The following KDM5B variants were observed in gnomAD, a reference collection of about 807,000 sequenced individuals.
The protein encoded by KDM5B is lysine-specific demethylase 5B.
A neutral mutation model predicts 193.4 loss-of-function variants in KDM5B; 144 were observed. The observed-to-expected ratio is 0.74, with a 90% CI of 0.65 to 0.86. The LOEUF (loss-of-function observed/expected upper bound fraction) is 0.86. KDM5B is among the 40% of genes least tolerant of loss of function. KDM5B has a pLI of 0.00. For missense variants in KDM5B, 1,833 were observed against 1,886.9 expected (o/e 0.97, Z 0.53); for synonymous variants, 668 against 682.6 (o/e 0.98, Z 0.33).
intron 2 of KDM5B, among the ~76,000 whole-genome samples, chr1:202,775,268 T>C (rs1656892542): frequency 6.6e-6 from 1 of 151,644 alleles, no homozygotes; most frequent in Non-Finnish European, 1.5e-5. Context: ...CTGGGTGCAG[T>C]GGCTCATGGC....
chr1:202,730,160 T>A, intron 25 of KDM5B, 133 bp from the exon 26 acceptor site: 1 of 768,056 alleles, frequency 1.3e-6, no homozygotes, highest in Non-Finnish European at 2.0e-6. Flanking sequence ...TACTGCATCT[T>A]AACCACTCCC....
Position 202,762,778 on chromosome 1 carries a change from T to A in KDM5B, c.839A>T (p.Glu280Val). Reference protein sequence around the residue: ...EKEMKSSIKQEPIERKDYIVE... With the variant: ...EKEMKSSIKQVPIERKDYIVE... ...AATATAATCTTTCCTCTCAATAGGT[T>A]CTTGCTTGATGCTACTCTTCATTTC... is the stretch of plus-strand genomic sequence containing the variant. The change falls in exon 7 of 27, where the codon GAA (glutamate) becomes GTA (valine). Residue 280 changes from glutamate to valine, a missense_variant. Around this residue, in one of 3 missense-constraint regions of KDM5B, gnomAD observed 355 missense variants for 374.9 expected, o/e 0.95. Transcript: ENST00000367265. 6.2e-7 allele frequency: 1 copy of A among 1,608,882 alleles called. No homozygotes were observed. Among genetic ancestry groups the A allele is most frequent in the South Asian group, 1.1e-5 (1 of 90,960 alleles).
chr1:202,739,441 CTTT>C (rs58981694), intron 20 of KDM5B, among the ~76,000 whole-genome samples: 3 of 144,150 alleles, frequency 2.1e-5, no homozygotes, highest in African/African-American at 5.1e-5. Flanking sequence ...CAATATTGCT[CTTT>C]TTTTTTTTTG....
rs963138456 is a variant in KDM5B, at chr1:202,731,865, G to A, written c.3984C>T (p.Ser1328=). 1 of 1,613,540 alleles carries A rather than the reference G, an allele frequency of 6.2e-7. No individual in the cohort carries two copies. Among genetic ancestry groups the A allele is most frequent in the Non-Finnish European group, 8.5e-7 (1 of 1,179,676 alleles). ...TACAACTTCGTCCAGTTGAGAAGGGGGAGTGCAAATATGAGGTTCTGTTGT... is the reference window on the plus strand; with the variant it reads ...TACAACTTCGTCCAGTTGAGAAGGGAGAGTGCAAATATGAGGTTCTGTTGT... ...DWDNRTSYLH[S]PFSTGRSCIP... The change falls in exon 24 of 27, where the codon TCC becomes TCT. Residue 1328 remains serine, a synonymous_variant. Coordinates refer to ENST00000367265, the MANE Select transcript of KDM5B (RefSeq NM_006618.5).
chr1:202,803,876 T>C (rs965052114), intron 1 of KDM5B, among the ~76,000 whole-genome samples: 1 of 145,408 alleles, frequency 6.9e-6, no homozygotes, highest in African/African-American at 2.6e-5. Context: ...TAATCCAACC[T>C]CCTACCAGGT....
chr1:202,796,503 G>A (rs1657853396), intron 1 of KDM5B: 1 of 189,482 alleles, frequency 5.3e-6, no homozygotes, highest in Non-Finnish European at 1.1e-5. Context: ...CATAACCTTG[G>A]TAGCTGGTGT....
At chr1:202,794,881 A>G (rs996265374) in intron 1 of KDM5B, among the ~76,000 whole-genome samples, 1 of 152,220 alleles carries the variant, frequency 6.6e-6, no homozygotes, top group African/African-American at 2.4e-5. Context: ...AGGCACAGTT[A>G]GAGATTAACA....
Position 202,735,480 on chromosome 1 carries a change from A to C in KDM5B, c.3372T>G (p.Ser1124Arg). The C allele has an allele frequency of 6.2e-7, 1 of 1,613,866 alleles. No homozygotes were observed. The highest frequency in any genetic ancestry group is 8.5e-7 in the Non-Finnish European group (1 of 1,179,936). ...TTAAAGCTCTCTCCAGGTCACTCAG[A>C]CTCTCTAATTTGGTGCTTTTTTTCT... ...NGKKKSTKLE[S>R]LSDLERALTE... Residue 1124 changes from serine to arginine, a missense_variant, in exon 22 of 27, where the codon AGT (serine) becomes AGG (arginine). Transcript: ENST00000367265.
intron 4 of KDM5B, chr1:202,767,474 C>T: frequency 5.0e-6 from 5 of 1,000,976 alleles, no homozygotes; most frequent in East Asian, 2.4e-5. Context: ...GATGAAATGG[C>T]GGCACCTCAC....
At chr1:202,781,082 G>A (rs1251432217) in intron 1 of KDM5B, among the ~76,000 whole-genome samples, 2 of 152,160 alleles carry the variant, frequency 1.3e-5, no homozygotes, top group Admixed American at 6.5e-5. Flanking sequence ...TTGGGCTGCA[G>A]CAGCAGGAGG....
intron 1 of KDM5B, among the ~76,000 whole-genome samples, chr1:202,781,529 G>C (rs1657198062): frequency 6.6e-6 from 1 of 152,136 alleles, no homozygotes. Flanking sequence ...TCCATCCCAA[G>C]TGAAAAAGAT....
intron 19 of KDM5B, 35 bp downstream of exon 19, chr1:202,741,332 A>G (rs1655328747): frequency 6.9e-7 from 1 of 1,459,574 alleles, no homozygotes; most frequent in Admixed American, 2.3e-5. Context: ...ATAACTGTCC[A>G]ACCTTCCCAA....
intron 16 of KDM5B, among the ~76,000 whole-genome samples, chr1:202,743,363 A>G (rs10920469): frequency 7.9e-6 from 1 of 126,500 alleles, no homozygotes; most frequent in Non-Finnish European, 1.8e-5. Flanking sequence ...AAAAAAAAAA[A>G]ACACCTGGCA....
In KDM5B at chr1:202,729,774, T is replaced by C; in HGVS notation, c.4430A>G (p.Gln1477Arg). The C allele has an allele frequency of 6.2e-7, 1 of 1,614,080 alleles. No homozygotes were observed. The highest frequency in any genetic ancestry group is 1.3e-5 in the African/African-American group (1 of 75,070). Reference sequence around the variant, plus strand: ...GGCATCTTCATCCTCAGAGTCTTCCTGTTCGGAATAGGATGTGTCTGAGGG... The same window carrying C: ...GGCATCTTCATCCTCAGAGTCTTCCCGTTCGGAATAGGATGTGTCTGAGGG... ...SLPSDTSYSE[Q>R]EDSEDEDAIC... The change falls in exon 26 of 27, where the codon CAG (glutamine) becomes CGG (arginine). Residue 1477 changes from glutamine to arginine, a missense_variant. Physicochemically the swap from Gln to Arg is conservative, Grantham distance 43. Transcript: ENST00000367265.
intron 13 of KDM5B, among the ~76,000 whole-genome samples, chr1:202,749,525 C>A (rs1361516664): frequency 6.6e-6 from 1 of 152,208 alleles, no homozygotes; most frequent in Middle Eastern, 3.4e-3. Flanking sequence ...CCACTGCACT[C>A]CAGCCTGGGT....
chr1:202,790,030 G>A (rs545888216), intron 1 of KDM5B, among the ~76,000 whole-genome samples: 48 of 151,594 alleles, frequency 3.2e-4, no homozygotes, highest in African/African-American at 1.0e-3. Context: ...CGAGACCAGC[G>A]AGGCGGGCGG....
At position 202,794,928 on chromosome 1, in the gene KDM5B, T is replaced by C. The variant is rs201088807; in HGVS notation, c.204+13174A>G. ...ACAATACACTGTAATAAAAGTTACA[T>C]GGGGCCGGGTGTGGTGGCTCACACC... On this transcript the variant is annotated intron_variant, in intron 1 of 26. Coordinates refer to ENST00000367265, the MANE Select transcript of KDM5B (RefSeq NM_006618.5). Among the ~76,000 whole-genome samples the C allele has an allele frequency of 2.1e-4, 32 of 152,296 alleles. No individual in the cohort carries two copies. The East Asian group carries it at 5.6e-3, about 27-fold the overall frequency.
intron 16 of KDM5B, among the ~76,000 whole-genome samples, chr1:202,744,829 T>C (rs906033263): frequency 6.6e-6 from 1 of 152,154 alleles, no homozygotes; most frequent in African/African-American, 2.4e-5. Context: ...ATCATTCCAT[T>C]TATAAAGACA....
intron 1 of KDM5B, among the ~76,000 whole-genome samples, chr1:202,779,979 G>A (rs916614650): frequency 2.0e-4 from 30 of 152,030 alleles, no homozygotes; most frequent in African/African-American, 6.7e-4. Context: ...TTTATAAAGA[G>A]TTCATAACAA....
Sources: gnomAD v4.1 joint callset for allele counts (sites outside exome capture counted in the v4.1 genomes callset) on GRCh38, gnomAD v4.1.1 for gene constraint, gnomAD v4.1.1 regional missense constraint, MANE v1.5 for transcripts, NCBI Gene and HGNC (gene_info 2026-07-23, HGNC 2026-07-21) for gene names.